Variants in DNAH8 observed in about 807,000 individuals in gnomAD.
The protein encoded by DNAH8 is axonemal beta dynein heavy chain 8.
DNAH8 carries 382 observed loss-of-function variants against 562.1 expected under a neutral mutation model. The ratio of observed to expected loss-of-function variants is 0.68; its 90% CI spans 0.63 to 0.74. The LOEUF (loss-of-function observed/expected upper bound fraction) is 0.74. Ranked by LOEUF, DNAH8 falls within the 30% of genes least tolerant of loss-of-function variation. DNAH8 has a pLI of 0.00. For missense variants in DNAH8, 5,203 were observed against 5,620.4 expected (o/e 0.93, Z 2.37); for synonymous variants, 1,881 against 1,919.4 (o/e 0.98, Z 0.52).
At chr6:38,982,323 T>G in intron 85 of DNAH8, 23 bp from the exon 86 acceptor site, 1 of 1,052,848 alleles carries the variant, frequency 9.5e-7, no homozygotes, top group Non-Finnish European at 1.5e-6. Flanking sequence ...ATGCAATACT[T>G]ACTTTTCTTT....
At chr6:38,800,665 T>C (rs1228632046) in intron 21 of DNAH8, among the ~76,000 whole-genome samples, 1 of 152,096 alleles carries the variant, frequency 6.6e-6, no homozygotes, top group Non-Finnish European at 1.5e-5. Flanking sequence ...TACAGGTATG[T>C]GCCACCATGC....
chr6:38,747,655 G>C (rs1356710974), intron 8 of DNAH8, among the ~76,000 whole-genome samples: 8 of 151,946 alleles, frequency 5.3e-5, no homozygotes, highest in Admixed American at 5.2e-4. Context: ...AAAGTGCTGG[G>C]ATTACTGGCG....
rs201503679 is a variant in DNAH8 at position 38,874,200 on chromosome 6, CTCTT to C, written c.7620+836_7620+839del. Among the ~76,000 whole-genome samples the C allele has an allele frequency of 0.021, 1,072 of 49,878 alleles. 255 individuals carry two copies. In the East Asian group the frequency reaches 0.5, roughly 23 times the overall value. 32.7% of individuals were successfully genotyped at this position (49,878 alleles called of 152,430 possible). On this transcript the variant is annotated intron_variant, in intron 52 of 92. Coordinates refer to ENST00000327475, the MANE Select transcript of DNAH8 (RefSeq NM_001206927.2). ...TTTCTTTCTCTCTCTCTTTCTTTCTCTCTTTCTTTCTTTCTCTCTCGCTCTCTCT... is the reference window on the plus strand; with the variant it reads ...TTTCTTTCTCTCTCTCTTTCTTTCTCTCTTTCTTTCTCTCTCGCTCTCTCT...
At chr6:38,794,019 T>G (rs1769998423) in intron 21 of DNAH8, among the ~76,000 whole-genome samples, 1 of 152,210 alleles carries the variant, frequency 6.6e-6, no homozygotes, top group Non-Finnish European at 1.5e-5. Flanking sequence ...CCTAGGAGTT[T>G]TACCAAGTTG....
At chr6:38,850,010 A>G (rs1025706169) in intron 37 of DNAH8, among the ~76,000 whole-genome samples, 7 of 152,208 alleles carry the variant, frequency 4.6e-5, no homozygotes, top group African/African-American at 1.7e-4. Context: ...TGTTAAATGC[A>G]ATGAAACAAA....
At chr6:38,750,993 A>G (rs1454487792) in intron 9 of DNAH8, among the ~76,000 whole-genome samples, 1 of 152,222 alleles carries the variant, frequency 6.6e-6, no homozygotes, top group Non-Finnish European at 1.5e-5. Context: ...ATATTAATAT[A>G]TTACTTATAC....
intron 88 of DNAH8, among the ~76,000 whole-genome samples, chr6:39,001,899 G>C (rs1252200992): frequency 2.6e-5 from 4 of 152,114 alleles, no homozygotes; most frequent in African/African-American, 9.7e-5. Flanking sequence ...GGGGATGACG[G>C]TGGGTCACGG....
chr6:38,764,696 G>T lies in DNAH8; in HGVS notation c.1617+2893G>T, dbSNP rs191150897. The T allele has an allele frequency of 9.8e-5, 15 of 152,292 alleles. No homozygotes were observed. The East Asian group carries it at 2.5e-3, about 25-fold the overall frequency. 9.4% of individuals were successfully genotyped at this position (152,292 alleles called of 1,614,324 possible). On this transcript the variant is annotated intron_variant, in intron 11 of 92. Transcript: ENST00000327475. ...CTGAATGCAAATGGAGCCGAGAAAT[G>T]ACTTATGGACAGTCTTTGTTGTGTA...
At chr6:38,812,918 G>A (rs971211845) in intron 24 of DNAH8, among the ~76,000 whole-genome samples, 9 of 152,066 alleles carry the variant, frequency 5.9e-5, no homozygotes, top group East Asian at 1.9e-4. Flanking sequence ...AATAATAATC[G>A]TAGGGTCTGC....
chr6:38,967,245 C>T (rs138763012), intron 82 of DNAH8, among the ~76,000 whole-genome samples: 5 of 151,758 alleles, frequency 3.3e-5, no homozygotes, highest in South Asian at 2.1e-4. Context: ...TCTACTCTTA[C>T]GACTTTTATT....
chr6:38,723,180 A>G lies in DNAH8; in HGVS notation c.371A>G (p.Glu124Gly), dbSNP rs1271209537. Residue 124 changes from glutamate to glycine, a missense_variant, in exon 2 of 93, where the codon GAA (glutamate) becomes GGA (glycine). By Grantham distance (98) the Glu-to-Gly change is moderately conservative (BLOSUM62 -2). Coordinates refer to ENST00000327475, the MANE Select transcript of DNAH8 (RefSeq NM_001206927.2). ...ATGAGTGGCCTTCCCAATCTACAGG[A>G]AACATTAAAAGAGAGACAGGTTTGC... The part of the protein sequence containing the change: ...RSMSGLPNLQ[E>G]TLKERQARFR... 1 of 1,611,244 alleles carries G rather than the reference A, an allele frequency of 6.2e-7. No homozygotes were observed. Among genetic ancestry groups the G allele is most frequent in the Non-Finnish European group, 8.5e-7 (1 of 1,179,572 alleles).
At chr6:38,946,206 C>T (rs1161295238) in intron 80 of DNAH8, among the ~76,000 whole-genome samples, 2 of 152,144 alleles carry the variant, frequency 1.3e-5, no homozygotes, top group Non-Finnish European at 2.9e-5. Context: ...TGCAGTTTCC[C>T]AGTGTCAGAT....
At position 38,824,205 on chromosome 6, in the gene DNAH8, A is replaced by G. The variant is rs553121191; in HGVS notation, c.3847+517A>G. 5.3e-5 allele frequency among the ~76,000 whole-genome samples: 8 copies of G among 152,330 alleles called. No homozygotes were observed. In the South Asian group the frequency reaches 1.7e-3, roughly 32 times the overall value. On this transcript the variant is annotated intron_variant, in intron 28 of 92. Transcript: ENST00000327475. ...GCTTGCTGTAGTGACAGAGAGCTGT[A>G]CTGGTCAGGCACAGTGTACCTGGCA... is the stretch of plus-strand genomic sequence containing the variant.
intron 4 of DNAH8, 59 bp downstream of exon 4, chr6:38,730,045 A>G: frequency 1.3e-6 from 1 of 781,576 alleles, no homozygotes; most frequent in Non-Finnish European, 2.2e-6. Context: ...AAAGTGCAGC[A>G]TATTTTTTCT....
chr6:38,805,585 GA>G lies in DNAH8; in HGVS notation c.3141del (p.Glu1047AspfsTer18). 6.5e-7 allele frequency: 1 copy of G among 1,546,332 alleles called. No homozygotes were observed. Among genetic ancestry groups the G allele is most frequent in the Non-Finnish European group, 8.9e-7 (1 of 1,119,470 alleles). On this transcript the variant is annotated frameshift_variant, in exon 23 of 93. Transcript: ENST00000327475. LOFTEE classifies it high-confidence loss of function. Reference protein sequence around the residue: ...NEFDTHDKEDEFKKECKEVFA... With the variant: ...NEFDTHDKEDXFKKECKEVFA... The stretch of plus-strand genomic sequence containing the variant: ...GTTTGATACTCATGATAAAGAAGAT[GA>G]ATTTAAAAAGGTATTTATTGTGGAA...
At chr6:38,749,444 T>C (rs1765233142) in intron 8 of DNAH8, among the ~76,000 whole-genome samples, 1 of 149,928 alleles carries the variant, frequency 6.7e-6, no homozygotes, top group African/African-American at 2.5e-5. Flanking sequence ...AAAACCTAGA[T>C]GAGGGGTTGA....
Position 38,757,482 on chromosome 6 carries a change from T to C in DNAH8, c.1515+1403T>C, listed in dbSNP as rs1766034241. Among the ~76,000 whole-genome samples the C allele has an allele frequency of 2.0e-5, 3 of 152,272 alleles. No individual in the cohort carries two copies. The South Asian group carries it at 6.2e-4, about 32-fold the overall frequency. ...CCCATTCTGTAGGTTGCCTGTTCACTCTGATGGTAGTTTCTTTTGCTGTGC... is the reference window on the plus strand; with the variant it reads ...CCCATTCTGTAGGTTGCCTGTTCACCCTGATGGTAGTTTCTTTTGCTGTGC... On this transcript the variant is annotated intron_variant, in intron 10 of 92. Transcript: ENST00000327475.
intron 57 of DNAH8, 98 bp from the exon 58 acceptor site, chr6:38,890,554 C>T: frequency 2.3e-6 from 2 of 863,550 alleles, no homozygotes; most frequent in Non-Finnish European, 3.8e-6. Context: ...TGAACAACAC[C>T]CAGCTTAGTC....
intron 8 of DNAH8, among the ~76,000 whole-genome samples, chr6:38,746,297 C>CT (rs890057193): frequency 1.3e-5 from 2 of 152,114 alleles, no homozygotes; most frequent in African/African-American, 4.8e-5. Flanking sequence ...ATCGGGAAAT[C>CT]TTTCAGGTTG....
Sources: gnomAD v4.1 joint callset for allele counts (sites outside exome capture counted in the v4.1 genomes callset) on GRCh38, gnomAD v4.1.1 for gene constraint, MANE v1.5 for transcripts, NCBI Gene and HGNC (gene_info 2026-07-23, HGNC 2026-07-21) for gene names.